The following POF1B variants were observed in gnomAD, a reference collection of about 807,000 sequenced individuals.
The protein encoded by POF1B is POF1B actin binding protein.
In POF1B, 53 loss-of-function variants were observed where a neutral mutation model predicts 55.3. That is an observed-to-expected ratio of 0.96 (90% confidence interval 0.77 to 1.20). The LOEUF is 1.20. Ranked by LOEUF, POF1B falls within the 50% of genes most tolerant of loss-of-function variation. The pLI, the probability that POF1B is intolerant of heterozygous loss-of-function variation, is 0.00. For synonymous variants in POF1B, 188 were observed against 148.3 expected, an observed-to-expected ratio of 1.27 and a Z score of -1.95; for missense variants, 478 against 420.5, an observed-to-expected ratio of 1.14 and a Z score of -1.20.
At chrX:85,291,953 A>G (rs146949614) in intron 15 of POF1B, among the ~76,000 whole-genome samples, 104 of 110,631 alleles carry the variant, frequency 9.4e-4, no homozygotes, top group African/African-American at 3.3e-3. Flanking sequence ...ACTTGAATGT[A>G]CCTAACATTC....
chrX:85,296,218 C>T (rs1212685455), intron 15 of POF1B, among the ~76,000 whole-genome samples: 2 of 111,443 alleles, frequency 1.8e-5, no homozygotes, highest in East Asian at 5.7e-4. Flanking sequence ...TTAAGTGGGG[C>T]ATTTTGACTT....
At chrX:85,281,040 G>A (rs949418826) in intron 16 of POF1B, among the ~76,000 whole-genome samples, 9 of 110,618 alleles carry the variant, frequency 8.1e-5, no homozygotes, top group African/African-American at 3.0e-4. Flanking sequence ...TAAATGTCCC[G>A]TAAGGTACAA....
chrX:85,327,196 G>A (rs1016579053), intron 7 of POF1B, among the ~76,000 whole-genome samples: 5 of 110,586 alleles, frequency 4.5e-5, no homozygotes, highest in African/African-American at 1.6e-4. Flanking sequence ...GAGGCCCAGG[G>A]CAAGTGCAGG....
intron 2 of POF1B, among the ~76,000 whole-genome samples, chrX:85,373,958 C>G (rs1449501690): frequency 9.0e-6 from 1 of 110,829 alleles, no homozygotes; most frequent in East Asian, 2.8e-4. Context: ...CATAGGACAC[C>G]AGAAGGAGAG....
intron 7 of POF1B, among the ~76,000 whole-genome samples, chrX:85,323,551 T>A (rs12010665): frequency 0.081 from 8,802 of 108,168 alleles, 852 homozygotes; most frequent in African/African-American, 0.27. Context: ...CATATGTAAC[T>A]AACCTGCACA....
At chrX:85,358,651 G>GAA (rs1389800677) in intron 4 of POF1B, among the ~76,000 whole-genome samples, 1 of 110,353 alleles carries the variant, frequency 9.1e-6, no homozygotes, top group East Asian at 2.9e-4. Context: ...AACAGAGATA[G>GAA]AAAAAAATCA....
chrX:85,302,325 A>G (rs1025306772), intron 15 of POF1B, among the ~76,000 whole-genome samples: 6 of 111,526 alleles, frequency 5.4e-5, no homozygotes, highest in Admixed American at 9.5e-5. Context: ...AATGGCCAAT[A>G]AGCACATAAA....
intron 7 of POF1B, 69 bp from the exon 8 acceptor site, chrX:85,315,803 T>C (rs1932782520): frequency 1.2e-6 from 1 of 834,279 alleles, no homozygotes; most frequent in Non-Finnish European, 1.7e-6. Flanking sequence ...TAAATGCTAG[T>C]TTTCTATTAA....
chrX:85,321,623 T>C (rs940341295), intron 7 of POF1B, among the ~76,000 whole-genome samples: 57 of 106,354 alleles, frequency 5.4e-4, no homozygotes, highest in Non-Finnish European at 9.2e-4. Context: ...AAATAAAGGG[T>C]ATTCAATTAG....
At chrX:85,354,640 A>C (rs1933452890) in intron 4 of POF1B, among the ~76,000 whole-genome samples, 1 of 111,019 alleles carries the variant, frequency 9.0e-6, no homozygotes, top group Non-Finnish European at 1.9e-5. Flanking sequence ...TACAAAAATC[A>C]CAAGCATTCT....
intron 6 of POF1B, among the ~76,000 whole-genome samples, chrX:85,341,724 C>A (rs940787607): frequency 9.0e-6 from 1 of 110,843 alleles, no homozygotes; most frequent in Admixed American, 9.6e-5. Flanking sequence ...GTTCATTGAA[C>A]TAACCAGCCC....
chrX:85,376,969 G>A (rs183329774), intron 2 of POF1B, among the ~76,000 whole-genome samples: 2 of 111,545 alleles, frequency 1.8e-5, no homozygotes, highest in Non-Finnish European at 3.8e-5. Flanking sequence ...CAAAGACAAA[G>A]TAAAAGTTTA....
intron 6 of POF1B, among the ~76,000 whole-genome samples, chrX:85,340,639 G>A (rs1043267855): frequency 1.8e-5 from 2 of 110,965 alleles, no homozygotes; most frequent in African/African-American, 6.5e-5. Flanking sequence ...GGTTGGTGAA[G>A]TTCTTATAGA....
intron 7 of POF1B, among the ~76,000 whole-genome samples, chrX:85,323,884 G>T (rs1569288313): frequency 9.0e-6 from 1 of 111,209 alleles, no homozygotes; most frequent in Non-Finnish European, 1.9e-5. Context: ...ACATTGCTTT[G>T]TCTATATCCC....
At chrX:85,346,202 A>T (rs1369406568) in intron 5 of POF1B, among the ~76,000 whole-genome samples, 160 bp from the exon 6 acceptor site, 1 of 110,786 alleles carries the variant, frequency 9.0e-6, no homozygotes, top group Non-Finnish European at 1.9e-5. Context: ...AATTTTTTTC[A>T]TTGGGAAAAT....
chrX:85,315,860 G>T, intron 7 of POF1B, 126 bp from the exon 8 acceptor site: 1 of 521,558 alleles, frequency 1.9e-6, no homozygotes, highest in Non-Finnish European at 2.8e-6. Context: ...CAATTTATAA[G>T]CACAAGTGAA....
chrX:85,330,993 A>G lies in POF1B; in HGVS notation c.810T>C (p.Asp270=). ...LLADLSRKNT[D]LYHCLLEHLQ... ...AATGTTCTAATAAGCAGTGATATAG[A>G]TCCGTATTCTTACGGCTCAGATCAG... Residue 270 remains aspartate (D), a synonymous_variant, in exon 7 of 17, where the codon GAT becomes GAC. Transcript: ENST00000262753. 3 of 1,204,285 alleles carry G rather than the reference A, an allele frequency of 2.5e-6. No homozygotes were observed. In the South Asian group the frequency reaches 5.4e-5, roughly 22 times the overall value.
At chrX:85,284,916 G>A (rs1442154344) in intron 15 of POF1B, among the ~76,000 whole-genome samples, 3 of 111,717 alleles carry the variant, frequency 2.7e-5, no homozygotes, top group African/African-American at 9.8e-5. Flanking sequence ...ATCTGACAAA[G>A]GGCTAATATA....
intron 15 of POF1B, among the ~76,000 whole-genome samples, chrX:85,286,580 ATAGAT>A (rs1385615216): frequency 1.8e-5 from 2 of 111,600 alleles, no homozygotes; most frequent in African/African-American, 6.5e-5. Context: ...AAACAAACTA[ATAGAT>A]TAGAGTAAAA....
Sources: allele counts gnomAD v4.1 joint callset (sites outside exome capture counted in the v4.1 genomes callset), GRCh38; gene constraint gnomAD v4.1.1; transcripts MANE v1.5; gene names NCBI Gene and HGNC (gene_info 2026-07-23, HGNC 2026-07-21).